SLC25A21: variants seen among roughly 807,000 people sequenced by gnomAD.
The protein encoded by SLC25A21 is mitochondrial 2-oxodicarboxylate carrier.
Under a neutral mutation model 43.8 loss-of-function variants are expected in SLC25A21, and 47 were observed. That is an observed-to-expected ratio of 1.07 (90% CI 0.85 to 1.37). SLC25A21 has a LOEUF of 1.37. SLC25A21 is among the 40% of genes most tolerant of loss of function. SLC25A21 has a pLI of 0.00. For synonymous variants in SLC25A21, 131 were observed against 121.3 expected, an observed-to-expected ratio of 1.08 and a Z score of -0.52; for missense variants, 352 against 350.2, an observed-to-expected ratio of 1.00 and a Z score of -0.04.
At chr14:37,127,881 T>C (rs1437199072) in intron 1 of SLC25A21, among the ~76,000 whole-genome samples, 1 of 152,152 alleles carries the variant, frequency 6.6e-6, no homozygotes, top group Admixed American at 6.5e-5. Flanking sequence ...CTATATCAAA[T>C]TGTCATAAAG....
At chr14:36,971,030 G>T (rs1366769471) in intron 1 of SLC25A21, among the ~76,000 whole-genome samples, 2 of 152,122 alleles carry the variant, frequency 1.3e-5, no homozygotes, top group African/African-American at 4.8e-5. Flanking sequence ...TAGCAGAGGA[G>T]ATAAATAAGC....
intron 1 of SLC25A21, among the ~76,000 whole-genome samples, chr14:37,056,280 G>A (rs112408849): frequency 0.026 from 3,924 of 152,142 alleles, 76 homozygotes; most frequent in Middle Eastern, 0.048. Context: ...CATAAGGTCA[G>A]GAGATCAAGA....
rs1887553246 is a variant in SLC25A21, at chr14:36,793,193, T to C, written c.203+20725A>G. Among the ~76,000 whole-genome samples the C allele has an allele frequency of 2.0e-5, 3 of 152,186 alleles. No homozygotes were observed. In the South Asian group the frequency reaches 6.2e-4, roughly 31 times the overall value. On this transcript the variant is annotated intron_variant, in intron 3 of 9. Coordinates refer to ENST00000331299, the MANE Select transcript of SLC25A21 (RefSeq NM_030631.4). The stretch of plus-strand genomic sequence containing the variant: ...TATGGGAAAATATATTATGATCTGA[T>C]CATCTCTGTATACCATGTGGGGACT...
chr14:36,915,952 C>T (rs1891819459), intron 1 of SLC25A21, among the ~76,000 whole-genome samples: 1 of 152,154 alleles, frequency 6.6e-6, no homozygotes, highest in Admixed American at 6.6e-5. Flanking sequence ...AAGTCACACA[C>T]TGGAAGGACA....
chr14:36,958,535 T>G (rs539743321), intron 1 of SLC25A21, among the ~76,000 whole-genome samples: 1 of 152,286 alleles, frequency 6.6e-6, no homozygotes, highest in East Asian at 1.9e-4. Flanking sequence ...CACAGAGATA[T>G]TAAAAGTTAT....
At chr14:36,764,196 A>AAGAAAGAAAGAAAG (rs1187804219) in intron 3 of SLC25A21, among the ~76,000 whole-genome samples, 1 of 137,548 alleles carries the variant, frequency 7.3e-6, no homozygotes, top group Non-Finnish European at 1.6e-5. Flanking sequence ...AAGAAAGAGA[A>AAGAAAGAAAGAAAG]AGAAAGAAAC....
chr14:36,700,543 G>C (rs1345431367), intron 7 of SLC25A21, among the ~76,000 whole-genome samples: 1 of 152,188 alleles, frequency 6.6e-6, no homozygotes. Context: ...CATATTTGAA[G>C]AAGTATGTAG....
intron 3 of SLC25A21, among the ~76,000 whole-genome samples, chr14:36,761,343 C>T (rs1172472470): frequency 6.6e-6 from 1 of 152,238 alleles, no homozygotes; most frequent in Non-Finnish European, 1.5e-5. Flanking sequence ...GCATTCACTT[C>T]AGGCCACTTC....
chr14:37,109,112 T>C (rs939688852), intron 1 of SLC25A21, among the ~76,000 whole-genome samples: 2 of 152,192 alleles, frequency 1.3e-5, no homozygotes, highest in African/African-American at 2.4e-5. Flanking sequence ...TACAATTCTC[T>C]TAACTGTAAA....
At chr14:36,821,309 C>T (rs1888622603) in intron 2 of SLC25A21, among the ~76,000 whole-genome samples, 1 of 150,700 alleles carries the variant, frequency 6.6e-6, no homozygotes, top group Admixed American at 6.6e-5. Context: ...CCAGAAAGAG[C>T]ACATCAGATG....
At chr14:36,956,007 T>G (rs774388008) in intron 1 of SLC25A21, among the ~76,000 whole-genome samples, 5 of 152,224 alleles carry the variant, frequency 3.3e-5, no homozygotes, top group Non-Finnish European at 5.9e-5. Context: ...ATTAATGTTC[T>G]GAGCACCTGT....
chr14:37,012,806 G>A (rs142029558), intron 1 of SLC25A21, among the ~76,000 whole-genome samples: 67 of 152,228 alleles, frequency 4.4e-4, no homozygotes, highest in African/African-American at 1.6e-3. Context: ...GAAGTTAGAA[G>A]AATCACCACA....
At chr14:36,899,318 C>G (rs1185751303) in intron 1 of SLC25A21, among the ~76,000 whole-genome samples, 1 of 152,162 alleles carries the variant, frequency 6.6e-6, no homozygotes, top group Non-Finnish European at 1.5e-5. Context: ...ACACAACATT[C>G]TGGAAAGAGG....
intron 1 of SLC25A21, among the ~76,000 whole-genome samples, chr14:37,138,662 A>G (rs1293589692): frequency 6.6e-6 from 1 of 152,006 alleles, no homozygotes; most frequent in Non-Finnish European, 1.5e-5. Context: ...CATTTCTAAT[A>G]CCTCCAACTG....
At chr14:36,689,518 A>C (rs931872976) in intron 7 of SLC25A21, among the ~76,000 whole-genome samples, 2 of 152,226 alleles carry the variant, frequency 1.3e-5, no homozygotes, top group Non-Finnish European at 2.9e-5. Context: ...AGGGCAGTGC[A>C]GGGTTGAAAA....
intron 1 of SLC25A21, among the ~76,000 whole-genome samples, chr14:36,907,168 T>C (rs563455794): frequency 1.3e-5 from 2 of 152,294 alleles, no homozygotes; most frequent in East Asian, 3.9e-4. Flanking sequence ...GACCTACCTT[T>C]GAGAGTTTTT....
intron 2 of SLC25A21, among the ~76,000 whole-genome samples, chr14:36,836,915 A>G (rs1375023254): frequency 6.6e-6 from 1 of 152,164 alleles, no homozygotes; most frequent in Admixed American, 6.5e-5. Flanking sequence ...AGAAGAGATA[A>G]AGTAAATTAT....
chr14:36,852,222 C>G (rs1405335551), intron 2 of SLC25A21, among the ~76,000 whole-genome samples: 1 of 152,042 alleles, frequency 6.6e-6, no homozygotes, highest in Non-Finnish European at 1.5e-5. Flanking sequence ...AAACCACCTA[C>G]CTACACAGAG....
chr14:37,026,945 CTTT>C (rs1355402827), intron 1 of SLC25A21, among the ~76,000 whole-genome samples: 4 of 152,184 alleles, frequency 2.6e-5, no homozygotes, highest in South Asian at 2.1e-4. Flanking sequence ...ATACAGACTT[CTTT>C]GAGAGGAGAA....
Sources: allele counts gnomAD v4.1 joint callset (sites outside exome capture counted in the v4.1 genomes callset), GRCh38; gene constraint gnomAD v4.1.1; transcripts MANE v1.5; gene names NCBI Gene and HGNC (gene_info 2026-07-23, HGNC 2026-07-21).